GGACT: variants seen among roughly 807,000 people sequenced by gnomAD.
The protein encoded by GGACT is gamma-glutamylaminecyclotransferase.
For synonymous variants in GGACT, 118 were observed against 115.3 expected, an observed-to-expected ratio of 1.02 and a Z score of -0.15; for missense variants, 241 against 233.2, an observed-to-expected ratio of 1.03 and a Z score of -0.22.
In GGACT at chr13:100,532,406, G is replaced by A; in HGVS notation, c.186C>T (p.Leu62=). The A allele has an allele frequency of 6.5e-7, 1 of 1,550,162 alleles. No homozygotes were observed. Residue 62 remains leucine, a synonymous_variant, in exon 3 of 3, where the codon CTC becomes CTT. Coordinates refer to ENST00000683975, the MANE Select transcript of GGACT (RefSeq NM_001195087.2). ...WLLHLPGSGR[L]VEGEVYAVDE... The stretch of plus-strand genomic sequence containing the variant: ...CTACCGCGTAGACCTCGCCCTCCAC[G>A]AGGCGCCCCGAGCCGGGCAGGTGCA...
rs369695916 is a variant in GGACT, at chr13:100,572,227, A to T, written c.-11+11598T>A. ...AGCCTTGAAAAGACTGAAAGGAAGG[A>T]AATTCTGACCCATCCTACAACAAGG... On this transcript the variant is annotated intron_variant, in intron 2 of 2. Transcript: ENST00000683975. Among the ~76,000 whole-genome samples the T allele has an allele frequency of 1.2e-3, 180 of 152,352 alleles. 1 individual carries two copies. The highest frequency in any genetic ancestry group is 4.1e-3 in the African/African-American group (170 of 41,582).
chr13:100,543,640 C>T (rs2088575676), intron 2 of GGACT, among the ~76,000 whole-genome samples: 1 of 152,182 alleles, frequency 6.6e-6, no homozygotes, highest in Non-Finnish European at 1.5e-5. Context: ...TCTGTTTTCT[C>T]CACATGATAT....
At chr13:100,548,603 G>T (rs1396781263) in intron 2 of GGACT, among the ~76,000 whole-genome samples, 1 of 152,252 alleles carries the variant, frequency 6.6e-6, no homozygotes, top group Non-Finnish European at 1.5e-5. Flanking sequence ...CCATCTGGTT[G>T]CTTTGGGAGG....
chr13:100,542,248 A>G (rs1411516767), intron 2 of GGACT, among the ~76,000 whole-genome samples: 1 of 152,232 alleles, frequency 6.6e-6, no homozygotes, highest in African/African-American at 2.4e-5. Flanking sequence ...CAGGAGAAGC[A>G]GAGCAGCCGC....
chr13:100,539,859 T>G (rs993221847), intron 2 of GGACT: 4 of 784,062 alleles, frequency 5.1e-6, no homozygotes, highest in Non-Finnish European at 8.5e-6. Flanking sequence ...TTTATTTTTC[T>G]CCAGAGAATA....
At chr13:100,578,470 G>A (rs1448815420) in intron 2 of GGACT, among the ~76,000 whole-genome samples, 1 of 152,214 alleles carries the variant, frequency 6.6e-6, no homozygotes, top group African/African-American at 2.4e-5. Flanking sequence ...AGCTCCCACA[G>A]TCAGTACATT....
At chr13:100,555,007 A>G (rs1393854194) in intron 2 of GGACT, among the ~76,000 whole-genome samples, 1 of 152,286 alleles carries the variant, frequency 6.6e-6, no homozygotes, top group African/African-American at 2.4e-5. Context: ...CTCAAGAAGA[A>G]GTAGATAACC....
Position 100,575,066 on chromosome 13 carries a change from C to T in GGACT, c.-11+8759G>A, listed in dbSNP as rs375262941. Among the ~76,000 whole-genome samples the T allele has an allele frequency of 3.4e-4, 52 of 152,268 alleles. No homozygotes were observed. The East Asian group carries it at 3.5e-3, about 10-fold the overall frequency. On this transcript the variant is annotated intron_variant, in intron 2 of 2. Transcript: ENST00000683975. Reference sequence around the variant, plus strand: ...TAGAAAGGAAGGTCTGCCAATAGGTCGAACCCTCCAGCAACTTTTCAGAAG... The same window carrying T: ...TAGAAAGGAAGGTCTGCCAATAGGTTGAACCCTCCAGCAACTTTTCAGAAG...
chr13:100,587,195 GACTTC>G (rs1441441998), intron 1 of GGACT: 5 of 152,106 alleles, frequency 3.3e-5, no homozygotes, highest in Admixed American at 6.6e-5. Context: ...GCCTCCCAAT[GACTTC>G]ACTTCAAGAA....
At chr13:100,558,362 A>T (rs934891702) in intron 2 of GGACT, among the ~76,000 whole-genome samples, 1 of 152,136 alleles carries the variant, frequency 6.6e-6, no homozygotes, top group Non-Finnish European at 1.5e-5. Flanking sequence ...TTAAACTGAC[A>T]CTTTACCAAA....
intron 2 of GGACT, among the ~76,000 whole-genome samples, chr13:100,541,235 A>T (rs1042165093): frequency 4.6e-5 from 7 of 152,214 alleles, no homozygotes; most frequent in African/African-American, 1.7e-4. Flanking sequence ...CAGCATCAGG[A>T]AAGGCAACCT....
At chr13:100,586,005 G>GT (rs1286056225) in intron 1 of GGACT, among the ~76,000 whole-genome samples, 1 of 151,970 alleles carries the variant, frequency 6.6e-6, no homozygotes, top group Non-Finnish European at 1.5e-5. Flanking sequence ...AAATAAAAAG[G>GT]TAACAGTCAA....
At position 100,587,793 on chromosome 13, in the gene GGACT, C is replaced by T. The variant is rs146939752; in HGVS notation, c.-184+948G>A. Among the ~76,000 whole-genome samples the T allele has an allele frequency of 2.8e-4, 43 of 152,294 alleles. 1 individual carries two copies. In the East Asian group the frequency reaches 8.3e-3, roughly 29 times the overall value. ...CTGTAATCCCAACATTTTGGGAGGC[C>T]AAGGCGGGCGGATCACGGGGTCAGG... On this transcript the variant is annotated intron_variant, in intron 1 of 2. Transcript: ENST00000683975.
chr13:100,532,276 C>T lies in GGACT; in HGVS notation c.316G>A (p.Glu106Lys). The change falls in exon 3 of 3, where the codon GAG (glutamate) becomes AAG (lysine). Residue 106 changes from glutamate to lysine, a missense_variant. Coordinates refer to ENST00000683975, the MANE Select transcript of GGACT (RefSeq NM_001195087.2). The stretch of plus-strand genomic sequence containing the variant: ...ACCGCGGTGGGCGCTGGCGGCTCCT[C>T]TGCGCCCGGGGCCCGGTCCTCCAGC... ...QLLEDRAPGA[E>K]EPPAPTAVQC... 1.3e-6 allele frequency: 2 copies of T among 1,536,438 alleles called. No individual in the cohort carries two copies. The highest frequency in any genetic ancestry group is 1.8e-6 in the Non-Finnish European group (2 of 1,136,664).
intron 2 of GGACT, among the ~76,000 whole-genome samples, chr13:100,558,144 C>T (rs1222649295): frequency 2.0e-5 from 3 of 148,264 alleles, no homozygotes; most frequent in East Asian, 2.0e-4. Flanking sequence ...TGTGCCACTG[C>T]GCTCCAGCCT....
chr13:100,566,036 T>C (rs2153015734), intron 2 of GGACT, among the ~76,000 whole-genome samples: 1 of 151,996 alleles, frequency 6.6e-6, no homozygotes, highest in African/African-American at 2.4e-5. Context: ...AGAAGTGAGG[T>C]CTCCACCAAC....
At chr13:100,551,079 T>C (rs1489094228) in intron 2 of GGACT, among the ~76,000 whole-genome samples, 1 of 151,918 alleles carries the variant, frequency 6.6e-6, no homozygotes, top group African/African-American at 2.4e-5. Flanking sequence ...GATCAGGAGA[T>C]TGAGATCATC....
intron 2 of GGACT, among the ~76,000 whole-genome samples, chr13:100,572,628 G>T (rs773147193): frequency 5.3e-5 from 8 of 152,170 alleles, no homozygotes; most frequent in Non-Finnish European, 1.0e-4. Flanking sequence ...ATTCACAGGT[G>T]TGATCATAGT....
chr13:100,565,051 T>G (rs906055698), intron 2 of GGACT, among the ~76,000 whole-genome samples: 6 of 152,256 alleles, frequency 3.9e-5, no homozygotes, highest in African/African-American at 7.2e-5. Context: ...ATGCTCTCCC[T>G]GTAGTATTTC....
Sources: allele counts gnomAD v4.1 joint callset (sites outside exome capture counted in the v4.1 genomes callset), GRCh38; gene constraint gnomAD v4.1.1; transcripts MANE v1.5; gene names NCBI Gene and HGNC (gene_info 2026-07-23, HGNC 2026-07-21).